STX6: variants seen among roughly 807,000 people sequenced by gnomAD.
STX6 encodes syntaxin-6.
Under a neutral mutation model 38.0 loss-of-function variants are expected in STX6, and 23 were observed. That is an observed-to-expected ratio of 0.60 (90% CI 0.43 to 0.86). STX6 has a LOEUF of 0.86. STX6 is among the 40% of genes least tolerant of loss of function. STX6 has a pLI of 0.00. For missense variants in STX6, 274 were observed against 312.9 expected (o/e 0.88, Z 0.94); for synonymous variants, 123 against 107.5 (o/e 1.14, Z -0.89).
At chr1:180,980,811 TGTG>T (rs1655391743) in intron 7 of STX6, 1 of 152,104 alleles carries the variant, frequency 6.6e-6, no homozygotes, top group Admixed American at 6.6e-5. Context: ...ATGGATAAAT[TGTG>T]GTACATCCAG....
intron 3 of STX6, among the ~76,000 whole-genome samples, chr1:180,997,574 C>G (rs1380975193): frequency 6.6e-6 from 1 of 152,146 alleles, no homozygotes; most frequent in Non-Finnish European, 1.5e-5. Context: ...TTAAATCTCT[C>G]ATTAATATCT....
At chr1:181,022,536 G>A (rs1000457000) in intron 1 of STX6, 103 bp downstream of exon 1, 6 of 1,225,534 alleles carry the variant, frequency 4.9e-6, no homozygotes, top group Non-Finnish European at 7.0e-6. Flanking sequence ...CCCCTCCCCA[G>A]CTCCAACTTG....
chr1:181,017,230 C>CAA (rs544259317), intron 1 of STX6, among the ~76,000 whole-genome samples: 1 of 137,884 alleles, frequency 7.3e-6, no homozygotes, highest in Non-Finnish European at 1.6e-5. Context: ...ACTGAAAATA[C>CAA]AAAAAAAAAA....
intron 6 of STX6, among the ~76,000 whole-genome samples, 188 bp from the exon 7 acceptor site, chr1:180,984,959 A>G (rs191353862): frequency 3.2e-4 from 49 of 152,300 alleles, no homozygotes; most frequent in Non-Finnish European, 5.4e-4. Flanking sequence ...TCTCAGGATT[A>G]AAAAAAGCCT....
At position 180,976,720 on chromosome 1, in the gene STX6, T is replaced by C. The variant is rs556188220; in HGVS notation, c.692-74A>G. ...CCAAGATACAGTTATATGGAATTTA[T>C]GGCACCCTTTGAAGCAGAAAAGGGG... is the stretch of plus-strand genomic sequence containing the variant. On this transcript the variant is annotated intron_variant, in intron 7 of 7. Transcript: ENST00000258301. The C allele has an allele frequency of 1.8e-4, 262 of 1,430,294 alleles. No homozygotes were observed. The African/African-American group carries it at 2.4e-3, about 13-fold the overall frequency. 88.6% of individuals were successfully genotyped at this position (1,430,294 alleles called of 1,614,324 possible). A position where few individuals can be genotyped will look rare whatever the true frequency, so the allele number is the denominator to read the frequency against.
rs372029843 is a variant in STX6 at position 181,002,591 on chromosome 1, G to T, written c.300+15C>A. 5.3e-5 allele frequency: 83 copies of T among 1,575,024 alleles called. No homozygotes were observed. Among genetic ancestry groups the T allele is most frequent in the Non-Finnish European group, 7.0e-5 (80 of 1,145,584 alleles). ...ATTTCTTATACAGATAACACAATAA[G>T]ATCATATTCCTTACCCTGACAACTT... On this transcript the variant is annotated intron_variant, in intron 3 of 7. Transcript: ENST00000258301.
At chr1:180,996,072 G>A (rs1469761883) in intron 3 of STX6, among the ~76,000 whole-genome samples, 1 of 152,084 alleles carries the variant, frequency 6.6e-6, no homozygotes, top group Non-Finnish European at 1.5e-5. Flanking sequence ...ATGGCTGGAT[G>A]GTAAACTAGA....
In STX6 at chr1:180,993,440, G is replaced by A; in HGVS notation, c.301-15C>T. The A allele has an allele frequency of 6.5e-7, 1 of 1,533,722 alleles. No homozygotes were observed. The stretch of plus-strand genomic sequence containing the variant: ...TCTTTCATGTCCTAATGAGAAAGAA[G>A]ATACGAAAACAAATGAAAAATATCC... On this transcript the variant is annotated splice_polypyrimidine_tract_variant and intron_variant, in intron 3 of 7. Coordinates refer to ENST00000258301, the MANE Select transcript of STX6 (RefSeq NM_005819.6).
chr1:180,990,513 T>A (rs1655725428), intron 4 of STX6, among the ~76,000 whole-genome samples: 1 of 151,608 alleles, frequency 6.6e-6, no homozygotes, highest in Non-Finnish European at 1.5e-5. Context: ...AGTACTTTTT[T>A]AAAAAAAGTG....
intron 3 of STX6, among the ~76,000 whole-genome samples, chr1:180,998,344 C>T (rs1655973638): frequency 6.6e-6 from 1 of 152,160 alleles, no homozygotes; most frequent in South Asian, 2.1e-4. Context: ...ACCACCACCA[C>T]CGCGGGTAAG....
intron 1 of STX6, among the ~76,000 whole-genome samples, chr1:181,009,789 A>T (rs1656340633): frequency 6.7e-6 from 1 of 148,420 alleles, no homozygotes; most frequent in African/African-American, 2.6e-5. Flanking sequence ...AGTGAAATGA[A>T]AACTTATGTT....
rs969899485 is a variant in STX6 at position 181,007,306 on chromosome 1, T to C, written c.36-1843A>G. Among the ~76,000 whole-genome samples the C allele has an allele frequency of 1.8e-4, 28 of 152,240 alleles. 2 individuals carry two copies. Among genetic ancestry groups the C allele is most frequent in the Admixed American group, 1.6e-3 (24 of 15,290 alleles). On this transcript the variant is annotated intron_variant, in intron 1 of 7. Transcript: ENST00000258301. ...AATGCTATGTAAATTGCTGTTATACTGTATTGTTTAGGGAACAAGAAAAAA... is the reference window on the plus strand; with the variant it reads ...AATGCTATGTAAATTGCTGTTATACCGTATTGTTTAGGGAACAAGAAAAAA...
intron 2 of STX6, among the ~76,000 whole-genome samples, chr1:181,003,166 T>G (rs1656131391): frequency 6.6e-6 from 1 of 152,230 alleles, no homozygotes; most frequent in Admixed American, 6.5e-5. Flanking sequence ...CCTCATTCCC[T>G]TACCCTCTAG....
At chr1:180,980,206 C>CAAAAAAAAAAAAAAAAAAAA (rs56336455) in intron 7 of STX6, among the ~76,000 whole-genome samples, 2 of 88,252 alleles carry the variant, frequency 2.3e-5, no homozygotes, top group Non-Finnish European at 2.2e-5. Flanking sequence ...GACTCTGTCT[C>CAAAAAAAAAAAAAAAAAAAA]AAAAAAAAAA....
chr1:180,989,552 G>C (rs940825797), intron 5 of STX6, among the ~76,000 whole-genome samples: 8 of 151,562 alleles, frequency 5.3e-5, no homozygotes, highest in African/African-American at 1.9e-4. Flanking sequence ...AAAAATGAGA[G>C]ATCTTTCTGA....
chr1:180,994,345 G>A (rs1455456893), intron 3 of STX6, among the ~76,000 whole-genome samples: 6 of 152,244 alleles, frequency 3.9e-5, no homozygotes, highest in African/African-American at 1.2e-4. Context: ...GTAAATGTGA[G>A]TGAGAACCAC....
intron 4 of STX6, among the ~76,000 whole-genome samples, 157 bp downstream of exon 4, chr1:180,993,206 C>T (rs1214730287): frequency 6.6e-6 from 1 of 152,050 alleles, no homozygotes; most frequent in Admixed American, 6.6e-5. Context: ...GGACAGGCTG[C>T]CTGGACTGTC....
chr1:180,975,414 C>T lies in STX6; in HGVS notation c.*1156G>A, dbSNP rs186880791. On this transcript the variant is annotated 3_prime_UTR_variant, in exon 8 of 8. Coordinates refer to ENST00000258301, the MANE Select transcript of STX6 (RefSeq NM_005819.6). The stretch of plus-strand genomic sequence containing the variant: ...AGCTACTTAAACTCAATTAAAGCAT[C>T]TATCATTTAAATTTGGATTGGCTCA... 6.6e-6 allele frequency: 1 copy of T among 152,652 alleles called. No homozygotes were observed. Among genetic ancestry groups the T allele is most frequent in the East Asian group, 1.9e-4 (1 of 5,186 alleles). 9.5% of individuals were successfully genotyped at this position (152,652 alleles called of 1,614,324 possible). A position where few individuals can be genotyped will look rare whatever the true frequency, so the allele number is the denominator to read the frequency against.
chr1:180,990,236 T>C, intron 4 of STX6, 127 bp from the exon 5 acceptor site: 2 of 1,236,596 alleles, frequency 1.6e-6, no homozygotes, highest in Non-Finnish European at 2.2e-6. Flanking sequence ...GGCAAGGCTT[T>C]TATGTAGTGG....
Sources: allele counts gnomAD v4.1 joint callset (sites outside exome capture counted in the v4.1 genomes callset), GRCh38; gene constraint gnomAD v4.1.1; transcripts MANE v1.5; gene names NCBI Gene and HGNC (gene_info 2026-07-23, HGNC 2026-07-21).